PTPRM: variants seen among roughly 807,000 people sequenced by gnomAD.
PTPRM encodes the protein protein tyrosine phosphatase receptor type M, also known as receptor-type tyrosine-protein phosphatase mu.
In PTPRM, 47 loss-of-function variants were observed where a neutral mutation model predicts 186.7. The observed-to-expected ratio is 0.25, with a 90% confidence interval of 0.20 to 0.32. The LOEUF (loss-of-function observed/expected upper bound fraction) is 0.32. PTPRM is among the 10% of genes least tolerant of loss of function. PTPRM has a pLI of 1.00. For missense variants in PTPRM, 1,494 were observed against 1,865.0 expected (o/e 0.80, Z 3.66); for synonymous variants, 668 against 674.9 (o/e 0.99, Z 0.16).
At chr18:8,142,828 A>C (rs1275205587) in intron 13 of PTPRM, among the ~76,000 whole-genome samples, 1 of 152,162 alleles carries the variant, frequency 6.6e-6, no homozygotes, top group Non-Finnish European at 1.5e-5. Flanking sequence ...TTGCATTCCT[A>C]ATATTTTTCA....
At chr18:8,284,207 T>G (rs887169084) in intron 19 of PTPRM, among the ~76,000 whole-genome samples, 5 of 152,232 alleles carry the variant, frequency 3.3e-5, no homozygotes, top group African/African-American at 1.2e-4. Context: ...TGTTGCCTTC[T>G]TGAAAATGTT....
intron 2 of PTPRM, among the ~76,000 whole-genome samples, chr18:7,777,003 G>T (rs1324164749): frequency 6.6e-6 from 1 of 151,904 alleles, no homozygotes; most frequent in Non-Finnish European, 1.5e-5. Context: ...TTCCATTAAT[G>T]TGTGCAAATG....
chr18:8,228,966 A>G (rs753001376), intron 14 of PTPRM, among the ~76,000 whole-genome samples: 1 of 152,196 alleles, frequency 6.6e-6, no homozygotes, highest in Non-Finnish European at 1.5e-5. Context: ...GAAAAGTGGT[A>G]GACCATAGGA....
At chr18:7,860,499 C>T (rs2047322559) in intron 2 of PTPRM, among the ~76,000 whole-genome samples, 1 of 152,126 alleles carries the variant, frequency 6.6e-6, no homozygotes, top group South Asian at 2.1e-4. Context: ...AATCTCAGAT[C>T]CCAGGCAAAG....
intron 1 of PTPRM, among the ~76,000 whole-genome samples, chr18:7,732,984 G>T (rs999006290): frequency 2.6e-5 from 4 of 152,112 alleles, no homozygotes; most frequent in African/African-American, 9.7e-5. Context: ...TTGCTCCTTA[G>T]TTCAGCTAAA....
intron 7 of PTPRM, among the ~76,000 whole-genome samples, chr18:8,004,393 A>G (rs757336028): frequency 1.3e-5 from 2 of 152,032 alleles, no homozygotes; most frequent in Non-Finnish European, 2.9e-5. Flanking sequence ...TACTCAGGCA[A>G]TTCAAATGGA....
intron 7 of PTPRM, among the ~76,000 whole-genome samples, chr18:7,994,420 C>A (rs151119754): frequency 1.3e-5 from 2 of 152,126 alleles, no homozygotes; most frequent in Admixed American, 1.3e-4. Flanking sequence ...AGATAGATAA[C>A]CTAGATAGAA....
intron 1 of PTPRM, among the ~76,000 whole-genome samples, chr18:7,574,403 T>G (rs530088579): frequency 4.1e-4 from 62 of 152,366 alleles, no homozygotes; most frequent in Middle Eastern, 3.4e-3. Context: ...GTTGGCTTGT[T>G]ATAATAAGCA....
At chr18:8,145,036 C>T (rs1600821069) in intron 14 of PTPRM, among the ~76,000 whole-genome samples, 1 of 152,056 alleles carries the variant, frequency 6.6e-6, no homozygotes, top group South Asian at 2.1e-4. Flanking sequence ...AACATGATCT[C>T]ATTTTTAGGA....
At chr18:7,811,018 T>C (rs1156674621) in intron 2 of PTPRM, among the ~76,000 whole-genome samples, 1 of 152,244 alleles carries the variant, frequency 6.6e-6, no homozygotes, top group Non-Finnish European at 1.5e-5. Context: ...CCAGTAATTT[T>C]TTTTCAACCA....
At chr18:7,813,692 T>C (rs1426583574) in intron 2 of PTPRM, among the ~76,000 whole-genome samples, 1 of 152,184 alleles carries the variant, frequency 6.6e-6, no homozygotes, top group Non-Finnish European at 1.5e-5. Context: ...AATTTTTTTT[T>C]CATATTAGGC....
At chr18:7,783,251 A>G (rs1186632783) in intron 2 of PTPRM, among the ~76,000 whole-genome samples, 2 of 152,126 alleles carry the variant, frequency 1.3e-5, no homozygotes, top group African/African-American at 4.8e-5. Flanking sequence ...GAAAATATCC[A>G]CCGAGGATTC....
chr18:7,969,486 A>G (rs2054381355), intron 7 of PTPRM, among the ~76,000 whole-genome samples: 1 of 148,432 alleles, frequency 6.7e-6, no homozygotes, highest in Non-Finnish European at 1.5e-5. Flanking sequence ...ATAGAGACAC[A>G]AAAAACCCTT....
Position 8,384,667 on chromosome 18 carries a change from G to A in PTPRM, c.4025G>A (p.Arg1342His), listed in dbSNP as rs766878745. The change falls in exon 30 of 33, where the codon CGC (arginine) becomes CAC (histidine). Residue 1342 changes from arginine (R) to histidine (H), a missense_variant. Around this residue, in one of 3 missense-constraint regions of PTPRM, gnomAD observed 1,107 missense variants for 1,350.2 expected, o/e 0.82. Coordinates refer to ENST00000580170, the MANE Select transcript of PTPRM (RefSeq NM_001105244.2). ...LEEDIISRIFRIYNAARPQDG... is the reference protein window; with the variant it reads ...LEEDIISRIFHIYNAARPQDG... Reference sequence around the variant, plus strand: ...GAGGACATCATCAGCAGGATATTCCGCATTTACAATGCCGCCAGAGTAAGA... The same window carrying A: ...GAGGACATCATCAGCAGGATATTCCACATTTACAATGCCGCCAGAGTAAGA... 6.2e-6 allele frequency: 10 copies of A among 1,613,992 alleles called. No individual in the cohort carries two copies. Among genetic ancestry groups the A allele is most frequent in the South Asian group, 3.3e-5 (3 of 91,072 alleles).
intron 2 of PTPRM, among the ~76,000 whole-genome samples, chr18:7,776,894 A>G (rs1172017797): frequency 1.3e-5 from 2 of 152,206 alleles, no homozygotes; most frequent in Non-Finnish European, 2.9e-5. Context: ...ACTATCCTAA[A>G]GTCTAGATTT....
chr18:8,265,813 T>C (rs2094693699), intron 19 of PTPRM, among the ~76,000 whole-genome samples: 1 of 152,184 alleles, frequency 6.6e-6, no homozygotes, highest in Non-Finnish European at 1.5e-5. Context: ...CTTCCATCAG[T>C]TGTGACAGCA....
chr18:8,093,000 T>A (rs577346689), intron 11 of PTPRM, among the ~76,000 whole-genome samples: 72 of 152,034 alleles, frequency 4.7e-4, no homozygotes, highest in South Asian at 2.7e-3. Flanking sequence ...ACCAAAAAAA[T>A]TTTTTTTAAG....
At chr18:7,597,088 C>G (rs1393726389) in intron 1 of PTPRM, among the ~76,000 whole-genome samples, 1 of 152,202 alleles carries the variant, frequency 6.6e-6, no homozygotes, top group Non-Finnish European at 1.5e-5. Context: ...CTCCTGACCT[C>G]AAGTGATCCA....
intron 2 of PTPRM, among the ~76,000 whole-genome samples, chr18:7,816,066 G>T (rs2044808042): frequency 6.6e-6 from 1 of 152,182 alleles, no homozygotes. Context: ...TTAGGTCCCA[G>T]TTTATATTCT....
Sources: gnomAD v4.1 joint callset for allele counts (sites outside exome capture counted in the v4.1 genomes callset) on GRCh38, gnomAD v4.1.1 for gene constraint, gnomAD v4.1.1 regional missense constraint, MANE v1.5 for transcripts, NCBI Gene and HGNC (gene_info 2026-07-23, HGNC 2026-07-21) for gene names.